Variants in SLC4A4 observed in about 807,000 individuals in gnomAD.
SLC4A4 encodes the protein solute carrier family 4 member 4.
SLC4A4 carries 27 observed loss-of-function variants against 111.5 expected under a neutral mutation model. The observed-to-expected ratio is 0.24, with a 90% CI of 0.18 to 0.33. SLC4A4 has a LOEUF of 0.33. Among genes scored for constraint, SLC4A4 ranks in the 10% least tolerant of loss-of-function variants. The probability of loss-of-function intolerance (pLI) is 1.00; values close to 1 mark genes in which losing one functional copy is unlikely to be tolerated. For synonymous variants in SLC4A4, 443 were observed against 463.4 expected, an observed-to-expected ratio of 0.96 and a Z score of 0.57; for missense variants, 909 against 1,315.5, an observed-to-expected ratio of 0.69 and a Z score of 4.78.
chr4:71,206,678 C>T (rs1206872989), intron 1 of SLC4A4, among the ~76,000 whole-genome samples: 1 of 152,074 alleles, frequency 6.6e-6, no homozygotes, highest in African/African-American at 2.4e-5. Flanking sequence ...AAACTGTTAA[C>T]TCCGAATTAT....
At chr4:71,406,748 C>T (rs1720887233) in intron 7 of SLC4A4, among the ~76,000 whole-genome samples, 1 of 150,188 alleles carries the variant, frequency 6.7e-6, no homozygotes, top group South Asian at 2.1e-4. Flanking sequence ...CCTGACTAAT[C>T]AGTGTTCCAT....
intron 3 of SLC4A4, among the ~76,000 whole-genome samples, chr4:71,298,137 G>A (rs939093893): frequency 2.6e-5 from 4 of 152,140 alleles, no homozygotes; most frequent in Admixed American, 6.5e-5. Context: ...CCACACAAAT[G>A]TTGATTATTG....
intron 2 of SLC4A4, among the ~76,000 whole-genome samples, chr4:71,157,022 T>C (rs895709532): frequency 6.6e-6 from 1 of 152,212 alleles, no homozygotes; most frequent in Non-Finnish European, 1.5e-5. Context: ...CTACCCAGCA[T>C]TTGTCTAAAT....
At chr4:71,129,455 A>T (rs892475306) in intron 2 of SLC4A4, among the ~76,000 whole-genome samples, 1 of 152,248 alleles carries the variant, frequency 6.6e-6, no homozygotes, top group Non-Finnish European at 1.5e-5. Context: ...GTCATTAAAA[A>T]GTCAAAAAAT....
chr4:71,298,770 C>T (rs1022944542), intron 3 of SLC4A4, among the ~76,000 whole-genome samples: 4 of 152,126 alleles, frequency 2.6e-5, no homozygotes, highest in Admixed American at 6.6e-5. Context: ...ATCTGTGCTT[C>T]CTAGTTTGGA....
At chr4:71,499,257 G>T (rs1309213511) in intron 16 of SLC4A4, among the ~76,000 whole-genome samples, 5 of 152,034 alleles carry the variant, frequency 3.3e-5, no homozygotes, top group Admixed American at 1.3e-4. Flanking sequence ...GTCATAATTT[G>T]CAAAATAAAC....
chr4:71,495,624 CTCTT>C (rs1304027852), intron 15 of SLC4A4, among the ~76,000 whole-genome samples: 1 of 152,048 alleles, frequency 6.6e-6, no homozygotes, highest in Non-Finnish European at 1.5e-5. Context: ...AAAAAATGAA[CTCTT>C]TCTGGGAAGA....
chr4:71,542,245 C>T (rs1735137514), intron 18 of SLC4A4, among the ~76,000 whole-genome samples: 1 of 152,008 alleles, frequency 6.6e-6, no homozygotes, highest in Non-Finnish European at 1.5e-5. Context: ...TATCTTTGAC[C>T]TTGTTCTCCA....
In SLC4A4 at chr4:71,082,989, G is replaced by A. The variant is rs113612445; in HGVS notation, c.-64-9741G>A. On this transcript the variant is annotated intron_variant, in intron 1 of 26. Coordinates refer to the SLC4A4 transcript ENST00000649996. ...GTGCCTCAGCCTCCCAAGTAGCTGGGATTACAGGCGCATGCCACCATGCCC... is the reference window on the plus strand; with the variant it reads ...GTGCCTCAGCCTCCCAAGTAGCTGGAATTACAGGCGCATGCCACCATGCCC... Among the ~76,000 whole-genome samples the A allele has an allele frequency of 3.6e-4, 54 of 152,028 alleles. 3 individuals are homozygous for A. Among genetic ancestry groups the A allele is most frequent in the African/African-American group, 1.3e-3 (52 of 41,374 alleles).
At position 71,191,212 on chromosome 4, in the gene SLC4A4, A is replaced by G. The variant is rs540526752; in HGVS notation, c.-2+3811A>G. On this transcript the variant is annotated intron_variant, in intron 1 of 25. Transcript: ENST00000264485. Reference sequence around the variant, plus strand: ...TGACTTGCAATATTTTCAATTTATGATGGGCTTATCAGGACATAACCCACC... The same window carrying G: ...TGACTTGCAATATTTTCAATTTATGGTGGGCTTATCAGGACATAACCCACC... Among the ~76,000 whole-genome samples, 4 of 152,354 alleles carry G rather than the reference A, an allele frequency of 2.6e-5. No individual in the cohort carries two copies. In the East Asian group the frequency reaches 5.8e-4, roughly 22 times the overall value.
At chr4:71,286,219 G>A (rs1723908616) in intron 3 of SLC4A4, among the ~76,000 whole-genome samples, 1 of 152,118 alleles carries the variant, frequency 6.6e-6, no homozygotes, top group African/African-American at 2.4e-5. Flanking sequence ...CATCCTGGGT[G>A]ACAGAGCGAG....
At chr4:71,141,478 C>A (rs999698924) in intron 2 of SLC4A4, among the ~76,000 whole-genome samples, 2 of 152,154 alleles carry the variant, frequency 1.3e-5, no homozygotes, top group African/African-American at 4.8e-5. Flanking sequence ...GTGTATTTCT[C>A]CTTTTGGGCA....
intron 15 of SLC4A4, among the ~76,000 whole-genome samples, chr4:71,493,546 A>T (rs1578035269): frequency 6.6e-6 from 1 of 151,792 alleles, no homozygotes; most frequent in East Asian, 1.9e-4. Flanking sequence ...TTATTGATGC[A>T]CAGTCCCTTT....
rs547752665 is a variant in SLC4A4 at position 71,167,831 on chromosome 4, C to T, written c.-1-68745C>T. Among the ~76,000 whole-genome samples, 9 of 152,248 alleles carry T rather than the reference C, an allele frequency of 5.9e-5. No individual in the cohort carries two copies. In the East Asian group the frequency reaches 1.5e-3, roughly 26 times the overall value. ...TTTGATTTTTCTTGTTCTTTCAACT[C>T]TTACATCTAATGTGTCAACAAGTTC... On this transcript the variant is annotated intron_variant, in intron 2 of 26. Coordinates refer to the SLC4A4 transcript ENST00000649996.
At position 71,071,486 on chromosome 4, in the gene SLC4A4, G is replaced by A. The variant is rs568550706; in HGVS notation, c.-65+8698G>A. 1.1e-4 allele frequency among the ~76,000 whole-genome samples: 16 copies of A among 152,144 alleles called. No individual in the cohort carries two copies. The East Asian group carries it at 3.1e-3, about 29-fold the overall frequency. On this transcript the variant is annotated intron_variant, in intron 1 of 26. Transcript: ENST00000649996. ...ATTAAAATATTTTTTATTGCTTTGAGTAGGCACAACATACATACAGCACAA... is the reference window on the plus strand; with the variant it reads ...ATTAAAATATTTTTTATTGCTTTGAATAGGCACAACATACATACAGCACAA...
At chr4:71,335,350 A>G (rs1301722438) in intron 3 of SLC4A4, among the ~76,000 whole-genome samples, 2 of 152,218 alleles carry the variant, frequency 1.3e-5, no homozygotes, top group East Asian at 1.9e-4. Flanking sequence ...ACTTTTGGTA[A>G]TGTGAACACA....
chr4:71,101,078 T>G (rs529013146), intron 2 of SLC4A4, among the ~76,000 whole-genome samples: 2 of 152,104 alleles, frequency 1.3e-5, no homozygotes, highest in East Asian at 1.9e-4. Flanking sequence ...GCTAACACGG[T>G]GAAACCCCAT....
At chr4:71,363,645 G>A (rs1730997072) in intron 6 of SLC4A4, among the ~76,000 whole-genome samples, 1 of 152,036 alleles carries the variant, frequency 6.6e-6, no homozygotes, top group Non-Finnish European at 1.5e-5. Context: ...CAACTCTCAG[G>A]CCCACATCAC....
chr4:71,093,563 C>A (rs917941148), intron 2 of SLC4A4, among the ~76,000 whole-genome samples: 1 of 152,132 alleles, frequency 6.6e-6, no homozygotes, highest in Non-Finnish European at 1.5e-5. Context: ...AAGTGAATAT[C>A]CTGACTTGTT....
Sources: allele counts gnomAD v4.1 joint callset (sites outside exome capture counted in the v4.1 genomes callset), GRCh38; gene constraint gnomAD v4.1.1; transcripts MANE v1.5; gene names NCBI Gene and HGNC (gene_info 2026-07-23, HGNC 2026-07-21).